Variants in KDM2B observed in about 807,000 individuals in gnomAD.
The protein encoded by KDM2B is lysine demethylase 2B.
Under a neutral mutation model 150.0 loss-of-function variants are expected in KDM2B, and 26 were observed. The observed-to-expected ratio is 0.17, with a 90% CI of 0.13 to 0.24. The LOEUF (loss-of-function observed/expected upper bound fraction) is 0.24. Among genes scored for constraint, KDM2B ranks in the 10% least tolerant of loss-of-function variants. The pLI, the probability that KDM2B is intolerant of heterozygous loss-of-function variation, is 1.00. For synonymous variants in KDM2B, 734 were observed against 729.5 expected, an observed-to-expected ratio of 1.01 and a Z score of -0.10; for missense variants, 1,265 against 1,816.9, an observed-to-expected ratio of 0.70 and a Z score of 5.52.
At chr12:121,448,592 G>A (rs1876699013) in intron 13 of KDM2B, among the ~76,000 whole-genome samples, 1 of 152,150 alleles carries the variant, frequency 6.6e-6, no homozygotes, top group African/African-American at 2.4e-5. Context: ...GCAGACAGAG[G>A]AAGCACGCAG....
intron 9 of KDM2B, among the ~76,000 whole-genome samples, chr12:121,519,504 T>C (rs1370941008): frequency 6.6e-6 from 1 of 152,212 alleles, no homozygotes. Context: ...TGGAAATCAT[T>C]ATGCTACATG....
chr12:121,516,524 G>A, intron 9 of KDM2B: 1 of 1,421,590 alleles, frequency 7.0e-7, no homozygotes, highest in Non-Finnish European at 9.2e-7. Context: ...CACATGCCTG[G>A]GGACATTAAA....
At chr12:121,519,795 T>C (rs1331647941) in intron 9 of KDM2B, among the ~76,000 whole-genome samples, 2 of 152,186 alleles carry the variant, frequency 1.3e-5, no homozygotes, top group African/African-American at 2.4e-5. Flanking sequence ...TATCTCAATT[T>C]AAAAGAAAAT....
At chr12:121,417,620 G>T in the KDM2B span, 83 of 1,614,088 alleles carry the variant, frequency 5.1e-5, 1 homozygote, top group Middle Eastern at 1.6e-4. The surrounding 1 kb of genome is among the most constrained non-coding windows in gnomAD (Gnocchi z 5.0). Context: ...AGCGCCCTCA[G>T]TTAATGCGAC....
intron 6 of KDM2B, among the ~76,000 whole-genome samples, chr12:121,540,028 C>T (rs1295340786): frequency 6.6e-6 from 1 of 152,160 alleles, no homozygotes; most frequent in Non-Finnish European, 1.5e-5. Context: ...ACATGAGCCA[C>T]CGCAGCTCGC....
At chr12:121,435,053 G>T (rs1478428903) in intron 22 of KDM2B, among the ~76,000 whole-genome samples, 14 of 133,208 alleles carry the variant, frequency 1.1e-4, no homozygotes, top group Admixed American at 4.5e-4. Context: ...AAAAAAAAAG[G>T]CCAGGTGCAG....
chr12:121,447,085 A>G (rs1306285476), intron 13 of KDM2B, among the ~76,000 whole-genome samples: 1 of 152,214 alleles, frequency 6.6e-6, no homozygotes, highest in African/African-American at 2.4e-5. Context: ...GTTCTAGTTG[A>G]GTATCAGAGT....
intron 12 of KDM2B, among the ~76,000 whole-genome samples, chr12:121,474,175 T>C (rs1351683083): frequency 4.6e-5 from 7 of 152,204 alleles, no homozygotes; most frequent in African/African-American, 1.7e-4. Flanking sequence ...TTGTACAACA[T>C]TGTGAACGTG....
In KDM2B at chr12:121,535,441, G is replaced by T. The variant is rs190137237; in HGVS notation, c.684-851C>A. ...GACAATGGGGAATGACTGCTAATGG[G>T]TACAGGGTTTCATTCTGGGGTGATG... On this transcript the variant is annotated intron_variant, in intron 6 of 22. Coordinates refer to ENST00000377071, the MANE Select transcript of KDM2B (RefSeq NM_032590.5). Among the ~76,000 whole-genome samples, 6 of 152,276 alleles carry T rather than the reference G, an allele frequency of 3.9e-5. No homozygotes were observed. In the East Asian group the frequency reaches 1.2e-3, roughly 29 times the overall value.
intron 2 of KDM2B, among the ~76,000 whole-genome samples, chr12:121,577,696 G>A (rs145498678): frequency 5.0e-4 from 76 of 152,312 alleles, no homozygotes; most frequent in African/African-American, 1.8e-3. Flanking sequence ...AGGGGCGTGG[G>A]GGGAACAAAA....
rs1039815904 is a variant in KDM2B at position 121,567,536 on chromosome 12, C to T, written c.397+7011G>A. Among the ~76,000 whole-genome samples, 11 of 151,956 alleles carry T rather than the reference C, an allele frequency of 7.2e-5. 1 individual carries two copies. The highest frequency in any genetic ancestry group is 1.7e-4 in the African/African-American group (7 of 41,460). On this transcript the variant is annotated intron_variant, in intron 4 of 22. Transcript: ENST00000377071. ...ACAGCCTGGGCAACAAAGCAAGACCCGTCTCTACAAAAAAGAATAGTTTAG... is the reference window on the plus strand; with the variant it reads ...ACAGCCTGGGCAACAAAGCAAGACCTGTCTCTACAAAAAAGAATAGTTTAG...
At chr12:121,569,868 C>T (rs1483018770) in intron 4 of KDM2B, among the ~76,000 whole-genome samples, 1 of 149,108 alleles carries the variant, frequency 6.7e-6, no homozygotes, top group Non-Finnish European at 1.5e-5. Flanking sequence ...GAGACAGGAT[C>T]TCGCTCTGTT....
At chr12:121,485,649 G>C (rs1882672915) in intron 12 of KDM2B, among the ~76,000 whole-genome samples, 1 of 152,106 alleles carries the variant, frequency 6.6e-6, no homozygotes, top group Non-Finnish European at 1.5e-5. Flanking sequence ...GTGTTAAACA[G>C]GGCCAGGGTT....
intron 1 of KDM2B, chr12:121,580,071 CAATT>C (rs1891842938): frequency 1.9e-6 from 3 of 1,601,260 alleles, no homozygotes; most frequent in Admixed American, 1.7e-5. Context: ...GAGAGTTCAC[CAATT>C]AATTGTCAAC....
Position 121,513,230 on chromosome 12 carries a change from C to T in KDM2B, c.1174+46G>A. ...GGCCCCACTGAGAAAATGATTTCTG[C>T]CCCAGCTGTGCAGCCGAGGCCGTGG... On this transcript the variant is annotated intron_variant, in intron 10 of 22. Transcript: ENST00000377071. The surrounding 1 kb of genome is among the most constrained non-coding windows in gnomAD (Gnocchi z 5.0). 1 of 1,598,220 alleles carries T rather than the reference C, an allele frequency of 6.3e-7. No individual in the cohort carries two copies. Among genetic ancestry groups the T allele is most frequent in the Non-Finnish European group, 8.6e-7 (1 of 1,167,776 alleles).
Position 121,521,664 on chromosome 12 carries a change from C to A in KDM2B, c.932-564G>T, listed in dbSNP as rs1886698129. 6.6e-6 allele frequency among the ~76,000 whole-genome samples: 1 copy of A among 152,190 alleles called. No individual in the cohort carries two copies. The highest frequency in any genetic ancestry group is 2.4e-5 in the African/African-American group (1 of 41,434). On this transcript the variant is annotated intron_variant, in intron 8 of 22. Transcript: ENST00000377071. The surrounding 1 kb of genome is among the most constrained non-coding windows in gnomAD (Gnocchi z 4.9). ...TTTCCATGTGGTCTCCTTGGTCACA[C>A]AACGCCTGCATGCCCCCCTCAGCTC...
At chr12:121,571,569 C>T (rs1891089900) in intron 4 of KDM2B, among the ~76,000 whole-genome samples, 1 of 152,066 alleles carries the variant, frequency 6.6e-6, no homozygotes, top group African/African-American at 2.4e-5. Flanking sequence ...GCTGGGATTA[C>T]AGGCGTGAGC....
At chr12:121,548,730 C>T (rs1889259028) in intron 6 of KDM2B, 147 bp downstream of exon 6, 2 of 644,514 alleles carry the variant, frequency 3.1e-6, no homozygotes, top group Admixed American at 2.7e-5. Flanking sequence ...AGCTGTGCCC[C>T]CACAGGCACA....
Position 121,494,726 on chromosome 12 carries a change from T to G in KDM2B, c.1648-61A>C. The G allele has an allele frequency of 1.2e-5, 16 of 1,299,808 alleles. No homozygotes were observed. In the South Asian group the frequency reaches 2.1e-4, roughly 17 times the overall value. The allele number at this position is 1,299,808 out of a possible 1,614,324, so 80.5% of individuals were successfully genotyped here. A position where few individuals can be genotyped will look rare whatever the true frequency, so the allele number is the denominator to read the frequency against. ...GGAAGGGGAGGTCTCTGAAGACAGCTGAACAGCAGACATAGTCCAGCAAGG... is the reference window on the plus strand; with the variant it reads ...GGAAGGGGAGGTCTCTGAAGACAGCGGAACAGCAGACATAGTCCAGCAAGG... On this transcript the variant is annotated intron_variant, in intron 11 of 22. Coordinates refer to ENST00000377071, the MANE Select transcript of KDM2B (RefSeq NM_032590.5).
Sources: allele counts gnomAD v4.1 joint callset (sites outside exome capture counted in the v4.1 genomes callset), GRCh38; gene constraint gnomAD v4.1.1; non-coding constraint Gnocchi (gnomAD v3.1); transcripts MANE v1.5; gene names NCBI Gene and HGNC (gene_info 2026-07-23, HGNC 2026-07-21).